Variants in KIF13A observed in about 807,000 individuals in gnomAD.
KIF13A encodes kinesin family member 13A.
KIF13A carries 79 observed loss-of-function variants against 212.2 expected under a neutral mutation model. The observed-to-expected ratio is 0.37, with a 90% CI of 0.31 to 0.45. The LOEUF is 0.45. Among genes scored for constraint, KIF13A ranks in the 20% least tolerant of loss-of-function variants. The probability of loss-of-function intolerance (pLI) is 1.00; values close to 1 mark genes in which losing one functional copy is unlikely to be tolerated. For missense variants in KIF13A, 1,901 were observed against 2,209.0 expected, an observed-to-expected ratio of 0.86 and a Z score of 2.79; for synonymous variants, 789 against 808.6, an observed-to-expected ratio of 0.98 and a Z score of 0.41.
chr6:17,842,673 G>A (rs2150388032), intron 9 of KIF13A, among the ~76,000 whole-genome samples: 1 of 152,204 alleles, frequency 6.6e-6, no homozygotes, highest in South Asian at 2.1e-4. Flanking sequence ...TAAGTCTTAA[G>A]CTAGGAGATG....
chr6:17,817,315 G>A (rs530449808), intron 16 of KIF13A, 82 bp from the exon 17 acceptor site: 2 of 1,201,430 alleles, frequency 1.7e-6, no homozygotes, highest in Non-Finnish European at 2.4e-6. Context: ...CCTGTGGGAG[G>A]CTTCCTCTAG....
intron 3 of KIF13A, among the ~76,000 whole-genome samples, chr6:17,887,750 G>A (rs568606095): frequency 6.6e-6 from 1 of 152,232 alleles, no homozygotes; most frequent in Non-Finnish European, 1.5e-5. Flanking sequence ...CTACAGTGCA[G>A]TGGCAGGATC....
chr6:17,960,463 C>T (rs1312048986), intron 2 of KIF13A, among the ~76,000 whole-genome samples: 1 of 152,166 alleles, frequency 6.6e-6, no homozygotes, highest in African/African-American at 2.4e-5. Flanking sequence ...GTATCTCTTT[C>T]TATGTATTAA....
intron 2 of KIF13A, among the ~76,000 whole-genome samples, chr6:17,933,846 C>A (rs951230016): frequency 6.6e-6 from 1 of 152,144 alleles, no homozygotes; most frequent in African/African-American, 2.4e-5. Context: ...GTTCGACCTG[C>A]CTGCCTAGCT....
At chr6:17,830,967 G>A in intron 13 of KIF13A, 134 bp downstream of exon 13, 1 of 723,636 alleles carries the variant, frequency 1.4e-6, no homozygotes, top group East Asian at 2.6e-5. Context: ...TGATCGGAGG[G>A]CACTATCCAT....
In KIF13A at chr6:17,796,788, C is replaced by G; in HGVS notation, c.2823G>C (p.Leu941=). The G allele has an allele frequency of 6.4e-7, 1 of 1,574,538 alleles. No individual in the cohort carries two copies. ...CCAGTGCTCCATCTGAAATGAACTC[C>G]AGAAATTCTTCTGTTACATTCACCA... is the stretch of plus-strand genomic sequence containing the variant. ...DYVVNVTEEF[L]EFISDGALAI... The change falls in exon 23 of 39, where the codon CTG becomes CTC. Residue 941 remains leucine (L), a synonymous_variant. Transcript: ENST00000259711.
intron 6 of KIF13A, among the ~76,000 whole-genome samples, chr6:17,852,867 C>T (rs1368110422): frequency 1.4e-4 from 21 of 152,126 alleles, no homozygotes. Context: ...GACGTTTGTA[C>T]TATATTTAGA....
intron 34 of KIF13A, among the ~76,000 whole-genome samples, chr6:17,775,428 T>C (rs1759871445): frequency 6.6e-6 from 1 of 152,236 alleles, no homozygotes; most frequent in South Asian, 2.1e-4. Flanking sequence ...TGAGAATCTC[T>C]AGAGTATATA....
chr6:17,882,948 T>C (rs1771212372), intron 3 of KIF13A, among the ~76,000 whole-genome samples: 1 of 152,242 alleles, frequency 6.6e-6, no homozygotes, highest in Non-Finnish European at 1.5e-5. Context: ...TGTATATATA[T>C]GTATACATCT....
At chr6:17,760,753 C>A (rs1208403828), downstream of KIF13A, 2 of 1,217,756 alleles carry the variant, frequency 1.6e-6, no homozygotes, top group African/African-American at 3.0e-5. Flanking sequence ...GTCTGAGGTC[C>A]AGCCAGGCGG....
At chr6:17,906,419 C>T (rs1482546355) in intron 2 of KIF13A, among the ~76,000 whole-genome samples, 6 of 136,378 alleles carry the variant, frequency 4.4e-5, no homozygotes, top group South Asian at 2.8e-4. Context: ...CTTTCCCCTT[C>T]CCCCTTCCCT....
At chr6:17,974,591 GT>G (rs147474037) in intron 2 of KIF13A, among the ~76,000 whole-genome samples, 3 of 151,926 alleles carry the variant, frequency 2.0e-5, no homozygotes, top group Non-Finnish European at 4.4e-5. Flanking sequence ...GTAAAATGGA[GT>G]TTTTTTTAGA....
intron 9 of KIF13A, among the ~76,000 whole-genome samples, chr6:17,844,350 C>T (rs1325138343): frequency 6.6e-6 from 1 of 152,144 alleles, no homozygotes; most frequent in Non-Finnish European, 1.5e-5. Flanking sequence ...AGAGTACATA[C>T]TGACATTTCT....
At position 17,856,713 on chromosome 6, in the gene KIF13A, T is replaced by C. The variant is rs753043929; in HGVS notation, c.221-591A>G. On this transcript the variant is annotated intron_variant, in intron 4 of 38. Transcript: ENST00000259711. This position sits in a 1 kb window ranked among gnomAD's most constrained non-coding sequence, Gnocchi z 4.5. ...TATCACACTGCAGCTCTTGGGGGCA[T>C]TGTGTCATGTACTATACTATGGCAG... 2.0e-5 allele frequency among the ~76,000 whole-genome samples: 3 copies of C among 152,212 alleles called. No individual in the cohort carries two copies. The highest frequency in any genetic ancestry group is 1.3e-4 in the Admixed American group (2 of 15,280).
In KIF13A at chr6:17,809,976, C is replaced by T. The variant is rs1437760413; in HGVS notation, c.2001-1046G>A. Among the ~76,000 whole-genome samples the T allele has an allele frequency of 6.6e-6, 1 of 151,948 alleles. No homozygotes were observed. The highest frequency in any genetic ancestry group is 2.4e-5 in the African/African-American group (1 of 41,362). On this transcript the variant is annotated intron_variant, in intron 17 of 38. Transcript: ENST00000259711. The surrounding 1 kb of genome is among the most constrained non-coding windows in gnomAD (Gnocchi z 4.7). Reference sequence around the variant, plus strand: ...GGGCAGTGGCTCATGGCTATAATCCCAACACTTTGGGAAGCCGAGGTGGGA... The same window carrying T: ...GGGCAGTGGCTCATGGCTATAATCCTAACACTTTGGGAAGCCGAGGTGGGA...
rs962801384 is a variant in KIF13A at position 17,918,705 on chromosome 6, C to A, written c.147-20525G>T. Among the ~76,000 whole-genome samples, 1 of 152,122 alleles carries A rather than the reference C, an allele frequency of 6.6e-6. No individual in the cohort carries two copies. The highest frequency in any genetic ancestry group is 1.5e-5 in the Non-Finnish European group (1 of 68,020). Reference sequence around the variant, plus strand: ...GCATCTGCACAAGAAGCTCCCTCTGCCTGGAAAGCCCTCTCCAGGGCTTGC... The same window carrying A: ...GCATCTGCACAAGAAGCTCCCTCTGACTGGAAAGCCCTCTCCAGGGCTTGC... On this transcript the variant is annotated intron_variant, in intron 2 of 38. Coordinates refer to ENST00000259711, the MANE Select transcript of KIF13A (RefSeq NM_022113.6). This position sits in a 1 kb window ranked among gnomAD's most constrained non-coding sequence, Gnocchi z 4.8.
In KIF13A at chr6:17,764,257, C is replaced by G. The variant is rs200385751; in HGVS notation, c.5271G>C (p.Glu1757Asp). ...FDGLTDSSAGELSSRRSLPNK... is the reference protein window; with the variant it reads ...FDGLTDSSAGDLSSRRSLPNK... ...TTGGTAGACTCCTCCTACTGGAAAG[C>G]TCTCCAGCAGAAGAATCTGTCAAAC... is the stretch of plus-strand genomic sequence containing the variant. Residue 1757 changes from glutamate (E) to aspartate (D), a missense_variant, in exon 39 of 39, where the codon GAG becomes GAC. Transcript: ENST00000259711. The surrounding 1 kb of genome is among the most constrained non-coding windows in gnomAD (Gnocchi z 5.1). The G allele has an allele frequency of 6.6e-5, 106 of 1,613,914 alleles. No individual in the cohort carries two copies. Among genetic ancestry groups the G allele is most frequent in the Non-Finnish European group, 8.4e-5 (99 of 1,179,910 alleles).
At chr6:17,875,147 T>C (rs139876107) in intron 3 of KIF13A, among the ~76,000 whole-genome samples, 161 of 152,138 alleles carry the variant, frequency 1.1e-3, no homozygotes, top group African/African-American at 3.7e-3. Flanking sequence ...TAATGACTTA[T>C]TTTCCTCTGG....
chr6:17,889,925 A>C (rs920324068), intron 3 of KIF13A, among the ~76,000 whole-genome samples: 3 of 152,152 alleles, frequency 2.0e-5, no homozygotes, highest in African/African-American at 7.2e-5. Context: ...CAGGCAGATC[A>C]CCCGAGGTCG....
Sources: allele counts gnomAD v4.1 joint callset (sites outside exome capture counted in the v4.1 genomes callset), GRCh38; gene constraint gnomAD v4.1.1; non-coding constraint Gnocchi (gnomAD v3.1); transcripts MANE v1.5; gene names NCBI Gene and HGNC (gene_info 2026-07-23, HGNC 2026-07-21).